RAB43: variants seen among roughly 807,000 people sequenced by gnomAD.
RAB43 encodes the protein ras-related protein Rab-43.
Under a neutral mutation model 18.8 loss-of-function variants are expected in RAB43, and 6 were observed. The ratio of observed to expected loss-of-function variants is 0.32; its 90% CI spans 0.17 to 0.63. The LOEUF is 0.63. RAB43 is among the 30% of genes least tolerant of loss of function. The pLI is 0.79. For synonymous variants in RAB43, 103 were observed against 124.1 expected (o/e 0.83, Z 1.13); for missense variants, 195 against 289.1 (o/e 0.67, Z 2.36).
intron 1 of RAB43, among the ~76,000 whole-genome samples, chr3:129,109,358 C>A (rs938763619): frequency 6.7e-6 from 1 of 148,804 alleles, no homozygotes; most frequent in Admixed American, 6.8e-5. Flanking sequence ...TGCAGTGAGC[C>A]GAGGTTGCGC....
chr3:129,118,739 C>T (rs1935707867), intron 1 of RAB43, among the ~76,000 whole-genome samples: 1 of 152,172 alleles, frequency 6.6e-6, no homozygotes, highest in Admixed American at 6.5e-5. Flanking sequence ...GCTGGCCAGG[C>T]TCATCTCGAA....
At chr3:129,100,112 G>T (rs1934326311) in intron 1 of RAB43, among the ~76,000 whole-genome samples, 1 of 152,066 alleles carries the variant, frequency 6.6e-6, no homozygotes, top group Non-Finnish European at 1.5e-5. Flanking sequence ...GGGGAAATAT[G>T]AAAAGCAGTC....
At chr3:129,117,330 G>GA (rs950991602) in intron 1 of RAB43, among the ~76,000 whole-genome samples, 14 of 152,052 alleles carry the variant, frequency 9.2e-5, no homozygotes, top group South Asian at 6.2e-4. Context: ...GCTCCAAGGA[G>GA]AAAAAAAATG....
chr3:129,117,445 C>T (rs1420923793), intron 1 of RAB43, among the ~76,000 whole-genome samples: 1 of 152,214 alleles, frequency 6.6e-6, no homozygotes, highest in African/African-American at 2.4e-5. Context: ...AAGCAGCACT[C>T]AGATTCACTT....
Position 129,121,496 on chromosome 3 carries a change from G to A in RAB43, c.-7C>T. ...CTGGGCCCGGCCCTGCCATGGCCTAGAAGAAGCCGAAGGGCCGGCGCTCTG... is the reference window on the plus strand; with the variant it reads ...CTGGGCCCGGCCCTGCCATGGCCTAAAAGAAGCCGAAGGGCCGGCGCTCTG... On this transcript the variant is annotated 5_prime_UTR_variant, in exon 1 of 3. Transcript: ENST00000315150. The A allele has an allele frequency of 6.2e-7, 1 of 1,601,006 alleles. No individual in the cohort carries two copies. The highest frequency in any genetic ancestry group is 8.5e-7 in the Non-Finnish European group (1 of 1,174,356).
In RAB43 at chr3:129,121,211, C is replaced by T. The variant is rs1935904908; in HGVS notation, c.204+75G>A. On this transcript the variant is annotated intron_variant, in intron 1 of 2. Coordinates refer to ENST00000315150, the MANE Select transcript of RAB43 (RefSeq NM_198490.3). ...TCAGATGGACGCGGGGTGCGCTCGC[C>T]GCGGCCAGGGGCTCCGCTGCCCCCG... 7 of 1,343,384 alleles carry T rather than the reference C, an allele frequency of 5.2e-6. No individual in the cohort carries two copies. In the East Asian group the frequency reaches 7.6e-5, roughly 14 times the overall value. 83.2% of individuals were successfully genotyped at this position (1,343,384 alleles called of 1,614,324 possible).
At chr3:129,099,606 G>A (rs570626756) in intron 1 of RAB43, among the ~76,000 whole-genome samples, 7 of 148,874 alleles carry the variant, frequency 4.7e-5, no homozygotes, top group African/African-American at 1.2e-4. Context: ...GTCTGGTCTC[G>A]AACTCCCGAC....
chr3:129,102,886 G>C (rs955115364), intron 1 of RAB43, among the ~76,000 whole-genome samples: 1 of 152,056 alleles, frequency 6.6e-6, no homozygotes, highest in African/African-American at 2.4e-5. Flanking sequence ...CTTTAACTAC[G>C]TTACTTTTGA....
chr3:129,110,685 G>T (rs1192564943), intron 1 of RAB43, among the ~76,000 whole-genome samples: 1 of 152,172 alleles, frequency 6.6e-6, no homozygotes, highest in Non-Finnish European at 1.5e-5. Context: ...AAAAATGCCA[G>T]GGGTTGGTGG....
chr3:129,101,883 C>A (rs569843848), intron 1 of RAB43, among the ~76,000 whole-genome samples: 2 of 152,186 alleles, frequency 1.3e-5, no homozygotes, highest in African/African-American at 4.8e-5. Context: ...ATCTTATCAG[C>A]GCACCCTGCA....
chr3:129,093,587 C>T (rs547499332), intron 2 of RAB43, among the ~76,000 whole-genome samples: 8 of 150,880 alleles, frequency 5.3e-5, no homozygotes, highest in Admixed American at 1.3e-4. Flanking sequence ...TCCAGCCTGG[C>T]GACAGAGCGA....
At chr3:129,099,305 A>T (rs990604598) in intron 1 of RAB43, among the ~76,000 whole-genome samples, 2 of 151,738 alleles carry the variant, frequency 1.3e-5, no homozygotes, top group African/African-American at 4.8e-5. Flanking sequence ...GTTAGCCAGG[A>T]TGGTCTTGAT....
intron 2 of RAB43, among the ~76,000 whole-genome samples, chr3:129,094,505 C>CTTTTTTTTTTTTTTT (rs200896936): frequency 2.9e-5 from 2 of 69,100 alleles, no homozygotes; most frequent in Non-Finnish European, 5.2e-5. Flanking sequence ...ATATAACTTT[C>CTTTTTTTTTTTTTTT]TTTTTTTTTT....
chr3:129,092,661 T>C (rs1179528288), intron 2 of RAB43: 1 of 511,596 alleles, frequency 2.0e-6, no homozygotes, highest in Non-Finnish European at 3.5e-6. Flanking sequence ...CATAGCTGTA[T>C]AAAATGTTCT....
Position 129,088,716 on chromosome 3 carries a change from C to T in RAB43, c.*2380G>A, listed in dbSNP as rs1387342314. 4 of 16,432 alleles carry T rather than the reference C, an allele frequency of 2.4e-4. 2 individuals are homozygous for T. Among genetic ancestry groups the T allele is most frequent in the Admixed American group, 1.2e-3 (2 of 1,670 alleles). The allele number at this position is 16,432 out of a possible 1,614,324, so 1.0% of individuals were successfully genotyped here. ...GCGGCGGGGGAAGGAACGTTGAGTC[C>T]CAGGTGAGCCTGCCTTTCCAGGCCA... On this transcript the variant is annotated 3_prime_UTR_variant, in exon 3 of 3. Coordinates refer to ENST00000315150, the MANE Select transcript of RAB43 (RefSeq NM_198490.3).
At chr3:129,104,642 T>G (rs1934636999) in intron 1 of RAB43, among the ~76,000 whole-genome samples, 1 of 152,240 alleles carries the variant, frequency 6.6e-6, no homozygotes, top group African/African-American at 2.4e-5. Flanking sequence ...AGGCCCTTCT[T>G]TCACCTTGGT....
At position 129,121,546 on chromosome 3, in the gene RAB43, C is replaced by CG; in HGVS notation, c.-58dup. 1.4e-6 allele frequency: 2 copies of CG among 1,436,572 alleles called. No individual in the cohort carries two copies. Among genetic ancestry groups the CG allele is most frequent in the African/African-American group, 2.9e-5 (2 of 68,494 alleles). 89.0% of individuals were successfully genotyped at this position (1,436,572 alleles called of 1,614,324 possible). ...GGACGCTGGGACCGGCCTGAGCTCA[C>CG]GCAAGCCGCGGGCCGAGCTCCGCCC... On this transcript the variant is annotated 5_prime_UTR_variant, in exon 1 of 3. Transcript: ENST00000315150.
rs989509699 is a variant in RAB43, at chr3:129,087,648, T to A, written c.*3448A>T. 2 of 152,076 alleles carry A rather than the reference T, an allele frequency of 1.3e-5. No individual in the cohort carries two copies. Among genetic ancestry groups the A allele is most frequent in the Admixed American group, 6.5e-5 (1 of 15,270 alleles). The allele number at this position is 152,076 out of a possible 1,614,324, so 9.4% of individuals were successfully genotyped here. A position where few individuals can be genotyped will look rare whatever the true frequency, so the allele number is the denominator to read the frequency against. ...GCCAAGTTTCCATAAAGGCAACTTT[T>A]CCATGTTTTAAAAAATAGATTTGGT... is the stretch of plus-strand genomic sequence containing the variant. On this transcript the variant is annotated 3_prime_UTR_variant, in exon 3 of 3. Transcript: ENST00000315150.
chr3:129,103,931 G>A lies in RAB43; in HGVS notation c.205-8762C>T, dbSNP rs75767327. On this transcript the variant is annotated intron_variant, in intron 1 of 2. Coordinates refer to ENST00000315150, the MANE Select transcript of RAB43 (RefSeq NM_198490.3). ...CCCAATTTATTTTTCTTTAGTGCACGTCACTGCCTGACATGCACACACACA... is the reference window on the plus strand; with the variant it reads ...CCCAATTTATTTTTCTTTAGTGCACATCACTGCCTGACATGCACACACACA... Among the ~76,000 whole-genome samples the A allele has an allele frequency of 1.8e-3, 274 of 152,104 alleles. 4 individuals carry two copies. In the South Asian group the frequency reaches 0.022, roughly 12 times the overall value.
Sources: gnomAD v4.1 joint callset for allele counts (sites outside exome capture counted in the v4.1 genomes callset) on GRCh38, gnomAD v4.1.1 for gene constraint, MANE v1.5 for transcripts, NCBI Gene and HGNC (gene_info 2026-07-23, HGNC 2026-07-21) for gene names.